The following GPC5 variants were observed in gnomAD, a reference collection of about 807,000 sequenced individuals.
The protein encoded by GPC5 is glypican-5.
Under a neutral mutation model 53.9 loss-of-function variants are expected in GPC5, and 47 were observed. The ratio of observed to expected loss-of-function variants is 0.87; its 90% confidence interval spans 0.69 to 1.11. The LOEUF is 1.11. Ranked by LOEUF, GPC5 falls within the 50% of genes most tolerant of loss-of-function variation. The pLI is 0.00. For missense variants in GPC5, 748 were observed against 713.1 expected (o/e 1.05, Z -0.56); for synonymous variants, 286 against 263.3 (o/e 1.09, Z -0.84).
rs188448401 is a variant in GPC5, at chr13:91,507,018, T to G, written c.325+58096T>G. The stretch of plus-strand genomic sequence containing the variant: ...GTATTTTGGTATACACATTTTTATA[T>G]ATATCAAATAGACATATACTAGATT... On this transcript the variant is annotated intron_variant, in intron 2 of 7. Coordinates refer to ENST00000377067, the MANE Select transcript of GPC5 (RefSeq NM_004466.6). Among the ~76,000 whole-genome samples, 6 of 152,294 alleles carry G rather than the reference T, an allele frequency of 3.9e-5. No homozygotes were observed. In the East Asian group the frequency reaches 1.2e-3, roughly 29 times the overall value.
intron 6 of GPC5, among the ~76,000 whole-genome samples, chr13:92,099,487 A>T (rs2041448517): frequency 6.6e-6 from 1 of 152,048 alleles, no homozygotes; most frequent in Non-Finnish European, 1.5e-5. Flanking sequence ...TTACACTCCT[A>T]ATGTCCAATC....
At chr13:91,571,791 G>GTA (rs1400903843) in intron 2 of GPC5, among the ~76,000 whole-genome samples, 3 of 123,804 alleles carry the variant, frequency 2.4e-5, no homozygotes, top group Admixed American at 1.6e-4. Context: ...ACATATACGT[G>GTA]TGTGTATATA....
chr13:91,645,231 A>C (rs1297167811), intron 2 of GPC5, among the ~76,000 whole-genome samples: 1 of 152,054 alleles, frequency 6.6e-6, no homozygotes, highest in African/African-American at 2.4e-5. Flanking sequence ...GTTTTTTTCT[A>C]ACTGTTTTGT....
chr13:92,698,917 G>C (rs1887641682), intron 7 of GPC5, among the ~76,000 whole-genome samples: 1 of 152,072 alleles, frequency 6.6e-6, no homozygotes, highest in Non-Finnish European at 1.5e-5. Context: ...TTGTGTCTCT[G>C]CCAGGTTTTG....
At chr13:91,947,014 A>T (rs2039980720) in intron 6 of GPC5, among the ~76,000 whole-genome samples, 1 of 152,140 alleles carries the variant, frequency 6.6e-6, no homozygotes, top group Non-Finnish European at 1.5e-5. Flanking sequence ...CTGGAGGTTT[A>T]ACTCCAGCAG....
chr13:91,402,538 A>C (rs1487051830), intron 1 of GPC5, among the ~76,000 whole-genome samples: 1 of 152,200 alleles, frequency 6.6e-6, no homozygotes, highest in African/African-American at 2.4e-5. Flanking sequence ...TGGTTCTACC[A>C]CTTGTAGTTC....
rs191857690 is a variant in GPC5 at position 92,673,321 on chromosome 13, G to A, written c.1562-192961G>A. Among the ~76,000 whole-genome samples the A allele has an allele frequency of 1.4e-4, 20 of 146,654 alleles. No homozygotes were observed. The East Asian group carries it at 3.2e-3, about 24-fold the overall frequency. ...TTTTGAGATGGAATCTCGCTCTGTC[G>A]CCCAGGCTGGAGTGCAGTGGCATGA... is the stretch of plus-strand genomic sequence containing the variant. On this transcript the variant is annotated intron_variant, in intron 7 of 7. Coordinates refer to ENST00000377067, the MANE Select transcript of GPC5 (RefSeq NM_004466.6).
chr13:92,836,061 T>A (rs1246264701), intron 7 of GPC5, among the ~76,000 whole-genome samples: 1 of 152,068 alleles, frequency 6.6e-6, no homozygotes, highest in Admixed American at 6.5e-5. Context: ...ATTGCAGGGA[T>A]GATTTTTATT....
intron 5 of GPC5, among the ~76,000 whole-genome samples, chr13:91,822,121 T>A (rs2038505159): frequency 6.6e-6 from 1 of 152,182 alleles, no homozygotes; most frequent in South Asian, 2.1e-4. Context: ...GATGTCCTTC[T>A]CAAACCACAA....
At chr13:91,930,652 C>T (rs148411971) in intron 6 of GPC5, among the ~76,000 whole-genome samples, 200 of 151,944 alleles carry the variant, frequency 1.3e-3, no homozygotes, top group Middle Eastern at 3.4e-3. Flanking sequence ...ATGTGAAGGT[C>T]GGGACCATAC....
At chr13:91,545,601 A>G (rs571411305) in intron 2 of GPC5, among the ~76,000 whole-genome samples, 6 of 152,248 alleles carry the variant, frequency 3.9e-5, no homozygotes, top group African/African-American at 1.4e-4. Flanking sequence ...TGCACAATAC[A>G]TTGTTACTGA....
At chr13:91,606,351 G>A (rs1252925094) in intron 2 of GPC5, among the ~76,000 whole-genome samples, 1 of 148,502 alleles carries the variant, frequency 6.7e-6, no homozygotes. Flanking sequence ...GCTGGATTCT[G>A]TTTGCCAGTA....
At chr13:92,337,277 G>A (rs572151902) in intron 7 of GPC5, among the ~76,000 whole-genome samples, 7 of 151,150 alleles carry the variant, frequency 4.6e-5, no homozygotes, top group Admixed American at 2.0e-4. Context: ...ACAAAACTAT[G>A]ATAAAAGAAA....
chr13:91,415,067 C>T (rs1878091339), intron 1 of GPC5, among the ~76,000 whole-genome samples: 1 of 152,170 alleles, frequency 6.6e-6, no homozygotes, highest in Admixed American at 6.5e-5. Flanking sequence ...TACCTTGCCT[C>T]CCTGTTGCTG....
At chr13:92,497,786 T>C (rs1880032399) in intron 7 of GPC5, among the ~76,000 whole-genome samples, 1 of 151,856 alleles carries the variant, frequency 6.6e-6, no homozygotes, top group South Asian at 2.1e-4. Flanking sequence ...TTCCTTGTAG[T>C]TCTACCTAAA....
intron 5 of GPC5, among the ~76,000 whole-genome samples, chr13:91,889,339 A>G (rs1291232538): frequency 6.6e-6 from 1 of 152,192 alleles, no homozygotes; most frequent in African/African-American, 2.4e-5. Context: ...TATGGATGGG[A>G]CAGTTTAACT....
chr13:91,789,399 A>G (rs1462145961), intron 5 of GPC5, among the ~76,000 whole-genome samples: 5 of 152,206 alleles, frequency 3.3e-5, no homozygotes, highest in Admixed American at 6.5e-5. Context: ...ATGGCTGCTC[A>G]ATAGCTCTGA....
intron 6 of GPC5, among the ~76,000 whole-genome samples, chr13:92,073,668 A>T (rs1003573224): frequency 1.3e-5 from 2 of 152,196 alleles, no homozygotes; most frequent in African/African-American, 2.4e-5. Context: ...ATACCAAGAC[A>T]AATATTTCTT....
chr13:92,122,427 T>TCCGATTAC (rs1426523139), intron 6 of GPC5, among the ~76,000 whole-genome samples: 2 of 151,898 alleles, frequency 1.3e-5, no homozygotes, highest in Non-Finnish European at 2.9e-5. Context: ...AACACGTAGC[T>TCCGATTAC]CCGATTACGC....
Sources: gnomAD v4.1 joint callset for allele counts (sites outside exome capture counted in the v4.1 genomes callset) on GRCh38, gnomAD v4.1.1 for gene constraint, MANE v1.5 for transcripts, NCBI Gene and HGNC (gene_info 2026-07-23, HGNC 2026-07-21) for gene names.